UBR1: variants seen among roughly 807,000 people sequenced by gnomAD.
UBR1 encodes the protein ubiquitin protein ligase E3 component n-recognin 1.
In UBR1, 102 loss-of-function variants were observed where a neutral mutation model predicts 242.1. The ratio of observed to expected loss-of-function variants is 0.42; its 90% CI spans 0.36 to 0.50. The LOEUF (loss-of-function observed/expected upper bound fraction) is 0.50. Among genes scored for constraint, UBR1 ranks in the 20% least tolerant of loss-of-function variants. The pLI is 0.01. For synonymous variants in UBR1, 675 were observed against 684.8 expected, an observed-to-expected ratio of 0.99 and a Z score of 0.22; for missense variants, 1,772 against 2,101.8, an observed-to-expected ratio of 0.84 and a Z score of 3.07.
chr15:43,086,596 A>C lies in UBR1; in HGVS notation c.82-356T>G, dbSNP rs117538432. ...TTTGTTTTAGGAAACCAGAGTATTT[A>C]ACAAGAGATCGAAATGAACATAGGC... is the stretch of plus-strand genomic sequence containing the variant. On this transcript the variant is annotated intron_variant, in intron 1 of 46. Coordinates refer to ENST00000290650, the MANE Select transcript of UBR1 (RefSeq NM_174916.3). Among the ~76,000 whole-genome samples, 358 of 152,346 alleles carry C rather than the reference A, an allele frequency of 2.3e-3. 1 individual carries two copies. The highest frequency in any genetic ancestry group is 3.9e-3 in the Non-Finnish European group (268 of 68,036).
In UBR1 at chr15:42,955,477, A is replaced by G. The variant is rs141565536; in HGVS notation, c.4835+2536T>C. 5.9e-5 allele frequency among the ~76,000 whole-genome samples: 9 copies of G among 152,296 alleles called. No homozygotes were observed. In the East Asian group the frequency reaches 9.6e-4, roughly 16 times the overall value. The stretch of plus-strand genomic sequence containing the variant: ...GATGATTACTTACTAGTAAATCAAT[A>G]AAGTCTTGAATAGGCTTTGTTTTTC... On this transcript the variant is annotated intron_variant, in intron 44 of 46. Coordinates refer to ENST00000290650, the MANE Select transcript of UBR1 (RefSeq NM_174916.3).
intron 20 of UBR1, among the ~76,000 whole-genome samples, chr15:43,032,136 G>A (rs777486333): frequency 9.2e-5 from 14 of 152,236 alleles, no homozygotes; most frequent in South Asian, 6.2e-4. Context: ...GTATTCAATA[G>A]GTTAGAATAT....
chr15:43,005,470 G>A (rs1456294390), intron 30 of UBR1, among the ~76,000 whole-genome samples: 1 of 150,492 alleles, frequency 6.6e-6, no homozygotes, highest in East Asian at 2.0e-4. Flanking sequence ...GAGGGAGGTG[G>A]GGGGGCAGCC....
intron 26 of UBR1, among the ~76,000 whole-genome samples, chr15:43,022,492 G>A (rs2033122862): frequency 6.6e-6 from 1 of 150,816 alleles, no homozygotes; most frequent in South Asian, 2.1e-4. Context: ...AAAGATTATA[G>A]TAAGGGATTA....
chr15:43,011,900 C>T (rs1228301933), intron 29 of UBR1: 1 of 453,248 alleles, frequency 2.2e-6, no homozygotes, highest in South Asian at 1.6e-5. Context: ...ACATCAGAGA[C>T]CACTATGCAG....
intron 1 of UBR1, among the ~76,000 whole-genome samples, chr15:43,095,672 C>T (rs2034151401): frequency 6.6e-6 from 1 of 152,104 alleles, no homozygotes; most frequent in Non-Finnish European, 1.5e-5. Context: ...AGTAAATCAC[C>T]TGGCATTAGA....
In UBR1 at chr15:43,047,187, T is replaced by A; in HGVS notation, c.1642A>T (p.Met548Leu). ...TCACAAGCACACCACTCTTGGAACA[T>A]GAGTAAAATATTCTTCAATTGCATC... is the stretch of plus-strand genomic sequence containing the variant. ...IQMQLKNILL[M>L]FQEWCACDEE... Residue 548 changes from methionine (M) to leucine (L), a missense_variant, in exon 14 of 47, where the codon ATG (methionine) becomes TTG (leucine). This residue lies in a region of UBR1 where 734 missense variants were observed against 893.3 expected (regional missense o/e 0.82). Transcript: ENST00000290650. 3 of 1,614,128 alleles carry A rather than the reference T, an allele frequency of 1.9e-6. No homozygotes were observed. In the South Asian group the frequency reaches 3.3e-5, roughly 18 times the overall value.
intron 4 of UBR1, among the ~76,000 whole-genome samples, chr15:43,071,462 CAGA>C (rs1345925494): frequency 6.6e-6 from 1 of 152,068 alleles, no homozygotes; most frequent in Non-Finnish European, 1.5e-5. Flanking sequence ...TGGGTGTAGG[CAGA>C]AGGTTGTTCA....
rs540756324 is a variant in UBR1, at chr15:43,050,616, C to T, written c.1440-2125G>A. 4.0e-5 allele frequency among the ~76,000 whole-genome samples: 6 copies of T among 150,508 alleles called. No homozygotes were observed. In the South Asian group the frequency reaches 6.5e-4, roughly 16 times the overall value. Reference sequence around the variant, plus strand: ...GCATGTGCCTGTAGTCCCAGCTATTCGGGAGGCTGAGGCAGGAGAATCACT... The same window carrying T: ...GCATGTGCCTGTAGTCCCAGCTATTTGGGAGGCTGAGGCAGGAGAATCACT... On this transcript the variant is annotated intron_variant, in intron 12 of 46. Coordinates refer to ENST00000290650, the MANE Select transcript of UBR1 (RefSeq NM_174916.3).
chr15:42,992,159 A>G (rs2032566146), intron 33 of UBR1, among the ~76,000 whole-genome samples: 1 of 152,092 alleles, frequency 6.6e-6, no homozygotes, highest in Admixed American at 6.6e-5. Context: ...TTTTCTGATA[A>G]CTTCTATCTT....
intron 30 of UBR1, among the ~76,000 whole-genome samples, chr15:43,005,447 C>A (rs1446451194): frequency 1.3e-5 from 2 of 150,876 alleles, no homozygotes; most frequent in African/African-American, 2.4e-5. Context: ...GCCCGGCCAG[C>A]CACCCCATCT....
rs760864318 is a variant in UBR1, at chr15:43,059,715, A to G, written c.972T>C (p.Ile324=). 2 of 1,614,102 alleles carry G rather than the reference A, an allele frequency of 1.2e-6. No homozygotes were observed. The highest frequency in any genetic ancestry group is 1.1e-5 in the South Asian group (1 of 91,080). The change falls in exon 8 of 47, where the codon ATT becomes ATC. Residue 324 remains isoleucine, a synonymous_variant. Coordinates refer to ENST00000290650, the MANE Select transcript of UBR1 (RefSeq NM_174916.3). The part of the protein sequence containing the change: ...ALRLGSWMNK[I]MSYSSDFRQI... ...AGGTATGCTTACTTGAATAGCTCATAATTTTGTTCATCCAGGAACCAAGAC... is the reference window on the plus strand; with the variant it reads ...AGGTATGCTTACTTGAATAGCTCATGATTTTGTTCATCCAGGAACCAAGAC...
At chr15:43,005,297 AG>A (rs1167145630) in intron 30 of UBR1, among the ~76,000 whole-genome samples, 18 of 137,990 alleles carry the variant, frequency 1.3e-4, no homozygotes, top group Non-Finnish European at 2.0e-4. Context: ...GGTGGGGGGC[AG>A]CCCCCGCCCG....
chr15:42,969,581 A>G (rs1047623707), intron 40 of UBR1, among the ~76,000 whole-genome samples: 1 of 152,162 alleles, frequency 6.6e-6, no homozygotes, highest in African/African-American at 2.4e-5. Context: ...TTAGTCATGA[A>G]GTCTTTGCCC....
chr15:42,999,325 TG>T (rs1303142352), intron 32 of UBR1, among the ~76,000 whole-genome samples: 17 of 152,340 alleles, frequency 1.1e-4, no homozygotes, highest in African/African-American at 3.8e-4. Context: ...TTCAGGTCTC[TG>T]TTCAAATGTC....
chr15:43,014,490 G>A (rs796631958), intron 29 of UBR1, among the ~76,000 whole-genome samples: 3 of 122,086 alleles, frequency 2.5e-5, no homozygotes, highest in Non-Finnish European at 5.3e-5. Flanking sequence ...CGTCTCTGCC[G>A]GGCCACCCAT....
chr15:42,968,542 T>G (rs1157193106), intron 40 of UBR1, among the ~76,000 whole-genome samples: 1 of 151,984 alleles, frequency 6.6e-6, no homozygotes, highest in Non-Finnish European at 1.5e-5. Context: ...TGATTATTAT[T>G]ATTATTATTA....
At chr15:43,079,034 G>T (rs940016756) in intron 3 of UBR1, among the ~76,000 whole-genome samples, 16 of 152,138 alleles carry the variant, frequency 1.1e-4, no homozygotes, top group African/African-American at 3.9e-4. Flanking sequence ...AGCAAAGCAG[G>T]AATACAAGAG....
At chr15:43,103,265 T>C (rs148518242) in intron 1 of UBR1, among the ~76,000 whole-genome samples, 25 of 151,028 alleles carry the variant, frequency 1.7e-4, no homozygotes, top group South Asian at 4.2e-4. Flanking sequence ...ACTCAGGAGG[T>C]TGAGGTGGGA....
Sources: allele counts gnomAD v4.1 joint callset (sites outside exome capture counted in the v4.1 genomes callset), GRCh38; gene constraint gnomAD v4.1.1; regional missense constraint gnomAD v4.1.1; transcripts MANE v1.5; gene names NCBI Gene and HGNC (gene_info 2026-07-23, HGNC 2026-07-21).